MARK1: variants seen among roughly 807,000 people sequenced by gnomAD.
The protein encoded by MARK1 is microtubule affinity regulating kinase 1.
A neutral mutation model predicts 96.3 loss-of-function variants in MARK1; 40 were observed. That is an observed-to-expected ratio of 0.42 (90% CI 0.32 to 0.54). The LOEUF (loss-of-function observed/expected upper bound fraction) is 0.54. Among genes scored for constraint, MARK1 ranks in the 20% least tolerant of loss-of-function variants. The probability of loss-of-function intolerance (pLI) is 0.16; values close to 1 mark genes in which losing one functional copy is unlikely to be tolerated. For synonymous variants in MARK1, 317 were observed against 341.2 expected (o/e 0.93, Z 0.78); for missense variants, 719 against 984.6 (o/e 0.73, Z 3.61).
rs200957822 is a variant in MARK1, at chr1:220,654,153, A to AT, written c.1988+801_1988+802insT. Among the ~76,000 whole-genome samples the AT allele has an allele frequency of 3.9e-3, 589 of 152,350 alleles. 5 individuals carry two copies. Among genetic ancestry groups the AT allele is most frequent in the African/African-American group, 0.013 (554 of 41,582 alleles). On this transcript the variant is annotated intron_variant, in intron 16 of 17. Transcript: ENST00000366917. This position sits in a 1 kb window ranked among gnomAD's most constrained non-coding sequence, Gnocchi z 4.0. ...GCAGACAAACAACTAGCCATGATATAAAGCAGAACATGTGCTAAAAAGTGT... is the reference window on the plus strand; with the variant it reads ...GCAGACAAACAACTAGCCATGATATATAAGCAGAACATGTGCTAAAAAGTGT...
intron 2 of MARK1, 50 bp from the exon 3 acceptor site, chr1:220,581,015 C>A: frequency 2.7e-6 from 2 of 734,976 alleles, no homozygotes; most frequent in South Asian, 3.8e-5. Flanking sequence ...AAGTTTTATT[C>A]ATTAAAATAT....
At chr1:220,611,076 C>A (rs1334199510) in intron 6 of MARK1, among the ~76,000 whole-genome samples, 1 of 152,210 alleles carries the variant, frequency 6.6e-6, no homozygotes, top group African/African-American at 2.4e-5. Flanking sequence ...AGAGCTCAAA[C>A]ACCATGCTGG....
chr1:220,637,033 T>A (rs1467131292), intron 13 of MARK1, among the ~76,000 whole-genome samples: 1 of 152,308 alleles, frequency 6.6e-6, no homozygotes, highest in East Asian at 1.9e-4. Flanking sequence ...AGAAATCTTA[T>A]CTAGCCATGT....
At chr1:220,600,822 A>C (rs1347507414) in intron 5 of MARK1, among the ~76,000 whole-genome samples, 1 of 152,064 alleles carries the variant, frequency 6.6e-6, no homozygotes, top group African/African-American at 2.4e-5. Flanking sequence ...TGTGAACTAG[A>C]ATAAAAAGGA....
At chr1:220,615,590 G>C (rs1205411692) in intron 6 of MARK1, among the ~76,000 whole-genome samples, 1 of 151,996 alleles carries the variant, frequency 6.6e-6, no homozygotes, top group African/African-American at 2.4e-5. Context: ...GTGTGCCAAA[G>C]CTTTTATTTC....
At chr1:220,597,726 G>T (rs1665472736) in intron 3 of MARK1, among the ~76,000 whole-genome samples, 1 of 152,064 alleles carries the variant, frequency 6.6e-6, no homozygotes, top group Non-Finnish European at 1.5e-5. Flanking sequence ...TGAAAAATGT[G>T]CCCTGTATTG....
At chr1:220,558,309 A>G (rs545286945) in intron 1 of MARK1, among the ~76,000 whole-genome samples, 2 of 151,746 alleles carry the variant, frequency 1.3e-5, no homozygotes, top group South Asian at 4.1e-4. Context: ...AACTGAATGT[A>G]TAACTTCATA....
At chr1:220,603,339 A>T (rs1665869081) in intron 5 of MARK1, among the ~76,000 whole-genome samples, 1 of 152,094 alleles carries the variant, frequency 6.6e-6, no homozygotes, top group African/African-American at 2.4e-5. Flanking sequence ...TAGAAAATTT[A>T]TACAGCTTCT....
chr1:220,593,309 G>A (rs1665118557), intron 3 of MARK1, among the ~76,000 whole-genome samples: 1 of 151,736 alleles, frequency 6.6e-6, no homozygotes, highest in Admixed American at 6.6e-5. Context: ...CTTATAAAAT[G>A]ACTTCTAAAT....
chr1:220,582,416 G>C (rs767183621), intron 3 of MARK1, among the ~76,000 whole-genome samples: 14 of 152,144 alleles, frequency 9.2e-5, no homozygotes, highest in Non-Finnish European at 2.1e-4. Flanking sequence ...CAAAGATGCT[G>C]TTTTTTACTG....
chr1:220,597,102 T>G (rs1173106893), intron 3 of MARK1, among the ~76,000 whole-genome samples: 1 of 152,120 alleles, frequency 6.6e-6, no homozygotes, highest in Non-Finnish European at 1.5e-5. Flanking sequence ...TAGACCACAT[T>G]TTGTTTATCT....
chr1:220,658,621 A>G (rs1388132697), intron 17 of MARK1, among the ~76,000 whole-genome samples: 2 of 152,266 alleles, frequency 1.3e-5, no homozygotes, highest in African/African-American at 2.4e-5. Context: ...AAATTTTACA[A>G]CCAACAAGTA....
intron 1 of MARK1, among the ~76,000 whole-genome samples, chr1:220,572,558 A>T (rs760109831): frequency 6.6e-6 from 1 of 152,122 alleles, no homozygotes; most frequent in Admixed American, 6.6e-5. Context: ...TTTTTCATGT[A>T]TAGTTGTTCT....
chr1:220,549,335 G>T (rs80251870), intron 1 of MARK1, among the ~76,000 whole-genome samples: 1 of 152,092 alleles, frequency 6.6e-6, no homozygotes, highest in Non-Finnish European at 1.5e-5. Context: ...CACATATAGC[G>T]CCCTTAGAAC....
At chr1:220,552,533 G>A (rs1205409810) in intron 1 of MARK1, among the ~76,000 whole-genome samples, 1 of 152,172 alleles carries the variant, frequency 6.6e-6, no homozygotes, top group Non-Finnish European at 1.5e-5. Context: ...GGGGAATATA[G>A]TGAGACTGGT....
intron 1 of MARK1, among the ~76,000 whole-genome samples, chr1:220,575,706 T>G (rs1286048562): frequency 6.6e-6 from 1 of 152,042 alleles, no homozygotes; most frequent in Non-Finnish European, 1.5e-5. Flanking sequence ...TTAAGACATA[T>G]AAATGTATTG....
intron 9 of MARK1, among the ~76,000 whole-genome samples, chr1:220,630,811 G>T (rs1667640980): frequency 6.6e-6 from 1 of 152,076 alleles, no homozygotes; most frequent in Non-Finnish European, 1.5e-5. Context: ...AATAAGAGAG[G>T]CATGCTATTT....
At chr1:220,624,297 CAAAA>C (rs61237689) in intron 9 of MARK1, among the ~76,000 whole-genome samples, 22 of 114,768 alleles carry the variant, frequency 1.9e-4, no homozygotes, top group Admixed American at 2.7e-4. Context: ...GATTCCATCT[CAAAA>C]AAAAAAAAAA....
intron 1 of MARK1, among the ~76,000 whole-genome samples, chr1:220,544,764 T>C (rs908315034): frequency 1.3e-5 from 2 of 152,208 alleles, no homozygotes; most frequent in Non-Finnish European, 2.9e-5. Context: ...TACCAAATTA[T>C]AGTTAACTAC....
Sources: allele counts gnomAD v4.1 joint callset (sites outside exome capture counted in the v4.1 genomes callset), GRCh38; gene constraint gnomAD v4.1.1; non-coding constraint Gnocchi (gnomAD v3.1); transcripts MANE v1.5; gene names NCBI Gene and HGNC (gene_info 2026-07-23, HGNC 2026-07-21).